TAF3: variants seen among roughly 807,000 people sequenced by gnomAD.
TAF3 encodes transcription initiation factor TFIID subunit 3.
Under a neutral mutation model 80.6 loss-of-function variants are expected in TAF3, and 7 were observed. That is an observed-to-expected ratio of 0.09 (90% CI 0.05 to 0.16). The LOEUF (loss-of-function observed/expected upper bound fraction) is 0.16, where lower values mean the gene tolerates loss of function less well. TAF3 is among the 10% of genes least tolerant of loss of function. The probability of loss-of-function intolerance (pLI) is 1.00; values close to 1 mark genes in which losing one functional copy is unlikely to be tolerated. For synonymous variants in TAF3, 444 were observed against 446.1 expected (o/e 1.00, Z 0.06); for missense variants, 921 against 1,140.2 (o/e 0.81, Z 2.77).
intron 4 of TAF3, among the ~76,000 whole-genome samples, 159 bp from the exon 5 acceptor site, chr10:8,008,919 A>G (rs566948524): frequency 1.5e-3 from 229 of 152,344 alleles, no homozygotes; most frequent in Non-Finnish European, 2.5e-3. Context: ...TGGAGAGGCC[A>G]CTTCATGCAG....
At chr10:7,934,132 G>A (rs1313047147) in intron 2 of TAF3, among the ~76,000 whole-genome samples, 1 of 152,136 alleles carries the variant, frequency 6.6e-6, no homozygotes, top group Non-Finnish European at 1.5e-5. Flanking sequence ...AAAATCATTC[G>A]GAAGAATTAG....
chr10:7,986,168 T>G (rs1831775554), intron 4 of TAF3, among the ~76,000 whole-genome samples: 1 of 152,164 alleles, frequency 6.6e-6, no homozygotes, highest in African/African-American at 2.4e-5. Context: ...TTGCCCTTGG[T>G]ACAGTAACTC....
intron 4 of TAF3, among the ~76,000 whole-genome samples, chr10:8,002,430 G>C (rs543669739): frequency 1.3e-5 from 2 of 152,056 alleles, no homozygotes; most frequent in Non-Finnish European, 1.5e-5. Context: ...CTACTTTCTG[G>C]ATCAGCTTTT....
chr10:7,830,605 T>C (rs909261814), intron 2 of TAF3, among the ~76,000 whole-genome samples: 1 of 143,014 alleles, frequency 7.0e-6, no homozygotes, highest in Non-Finnish European at 1.5e-5. Flanking sequence ...TGCCTCAGCC[T>C]CCCGAGTAGC....
At chr10:7,951,782 C>A (rs954236788) in intron 2 of TAF3, among the ~76,000 whole-genome samples, 2 of 152,132 alleles carry the variant, frequency 1.3e-5, no homozygotes, top group African/African-American at 2.4e-5. Context: ...AGAGGTAGTA[C>A]TTTCTGTTAA....
In TAF3 at chr10:7,964,240, C is replaced by T. The variant is rs768252337; in HGVS notation, c.730C>T (p.Pro244Ser). Residue 244 changes from proline to serine, a missense_variant, in exon 3 of 7, where the codon CCC becomes TCC. Coordinates refer to ENST00000344293, the MANE Select transcript of TAF3 (RefSeq NM_031923.4). The surrounding 1 kb of genome is among the most constrained non-coding windows in gnomAD (Gnocchi z 4.1). ...QDSTDLAPPSPEPPMLAPVAK... is the reference protein window; with the variant it reads ...QDSTDLAPPSSEPPMLAPVAK... ...CAGTACAGACTTGGCACCTCCCTCA[C>T]CCGAGCCGCCAATGTTGGCTCCAGT... 20 of 1,614,104 alleles carry T rather than the reference C, an allele frequency of 1.2e-5. No homozygotes were observed. Among genetic ancestry groups the T allele is most frequent in the Non-Finnish European group, 1.6e-5 (19 of 1,180,062 alleles).
chr10:7,987,470 G>A (rs1383845230), intron 4 of TAF3, among the ~76,000 whole-genome samples: 1 of 152,042 alleles, frequency 6.6e-6, no homozygotes, highest in African/African-American at 2.4e-5. Flanking sequence ...CCAGTCACCA[G>A]TTTTCAAACA....
rs902024184 is a variant in TAF3, at chr10:7,887,250, A to G, written c.409+62690A>G. Among the ~76,000 whole-genome samples the G allele has an allele frequency of 2.0e-5, 3 of 149,258 alleles. No homozygotes were observed. The Admixed American group carries it at 2.0e-4, about 10-fold the overall frequency. ...CTGTATTTAAAAAAAAAAAAAAAAG[A>G]AAGAAAGCTGGTTAAGGAAATGATG... On this transcript the variant is annotated intron_variant, in intron 2 of 6. Coordinates refer to ENST00000344293, the MANE Select transcript of TAF3 (RefSeq NM_031923.4).
At position 7,977,254 on chromosome 10, in the gene TAF3, C is replaced by A; in HGVS notation, c.2246C>A (p.Pro749Gln). 2 of 1,614,140 alleles carry A rather than the reference C, an allele frequency of 1.2e-6. No individual in the cohort carries two copies. Among genetic ancestry groups the A allele is most frequent in the Non-Finnish European group, 1.7e-6 (2 of 1,180,010 alleles). Residue 749 changes from proline (P) to glutamine (Q), a missense_variant, in exon 4 of 7, where the codon CCA (proline) becomes CAA (glutamine). By Grantham distance (76) the Pro-to-Gln change is moderately conservative. Transcript: ENST00000344293. The part of the protein sequence containing the change: ...KHKHEKIKVE[P>Q]VALAPSPVIP... ...TAACTTCCACAGATAAAAGTGGAAC[C>A]AGTCGCTCTGGCCCCGAGTCCAGTT... is the stretch of plus-strand genomic sequence containing the variant.
intron 5 of TAF3, among the ~76,000 whole-genome samples, chr10:8,011,862 A>C (rs1651172003): frequency 6.6e-6 from 1 of 152,194 alleles, no homozygotes; most frequent in Non-Finnish European, 1.5e-5. Flanking sequence ...AGATGAGTCC[A>C]ACTGGAATAG....
At chr10:7,863,421 G>T (rs1837167559) in intron 2 of TAF3, among the ~76,000 whole-genome samples, 2 of 151,222 alleles carry the variant, frequency 1.3e-5, no homozygotes, top group Admixed American at 6.6e-5. Flanking sequence ...GATCAGCCTG[G>T]CCAGGATGGT....
Position 7,856,218 on chromosome 10 carries a change from C to T in TAF3, c.409+31658C>T, listed in dbSNP as rs1588525923. ...AAAAGATTTTGGCTGGGCGCAGTGG[C>T]TCACGCCAGCACTTTGGGAGGCCGA... On this transcript the variant is annotated intron_variant, in intron 2 of 6. Transcript: ENST00000344293. Among the ~76,000 whole-genome samples, 8 of 152,230 alleles carry T rather than the reference C, an allele frequency of 5.3e-5. 1 individual carries two copies. In the South Asian group the frequency reaches 1.5e-3, roughly 28 times the overall value.
intron 4 of TAF3, among the ~76,000 whole-genome samples, chr10:7,998,648 G>C (rs907850403): frequency 1.3e-5 from 2 of 151,998 alleles, no homozygotes; most frequent in African/African-American, 4.8e-5. Context: ...AGACCAGCCT[G>C]GCCAACATGG....
chr10:7,843,641 T>C, intron 2 of TAF3, among the ~76,000 whole-genome samples: 1 of 120,088 alleles, frequency 8.3e-6, no homozygotes, highest in Non-Finnish European at 1.8e-5. Context: ...TATCTCTTTC[T>C]CACTCTTTTT....
chr10:7,940,444 C>T (rs1218053457), intron 2 of TAF3, among the ~76,000 whole-genome samples: 2 of 152,200 alleles, frequency 1.3e-5, no homozygotes, highest in African/African-American at 2.4e-5. Context: ...ATTTAAGACA[C>T]AGTCCATGCC....
chr10:7,936,075 C>T (rs1400765528), intron 2 of TAF3, among the ~76,000 whole-genome samples: 2 of 152,010 alleles, frequency 1.3e-5, no homozygotes, highest in Admixed American at 6.5e-5. Context: ...GTGATTGTAT[C>T]GTAAAACAGA....
chr10:7,872,222 T>TTC (rs1217226392), intron 2 of TAF3, among the ~76,000 whole-genome samples: 1 of 150,084 alleles, frequency 6.7e-6, no homozygotes, highest in East Asian at 1.9e-4. Flanking sequence ...GATTTTTTTT[T>TTC]TTTTTTTTTT....
Position 7,965,539 on chromosome 10 carries a change from A to G in TAF3, c.2029A>G (p.Met677Val). 2.5e-6 allele frequency: 4 copies of G among 1,602,178 alleles called. No homozygotes were observed. The highest frequency in any genetic ancestry group is 2.5e-6 in the Non-Finnish European group (3 of 1,177,342). ...TGCCACAGCCTCCAGGGTCCCAGCC[A>G]TGCTGCCATCTTTGTTGCCAGTGCT... Reference protein sequence around the residue: ...SPATASRVPAMLPSLLPVLPE... With the variant: ...SPATASRVPAVLPSLLPVLPE... Residue 677 changes from methionine to valine, a missense_variant, in exon 3 of 7, where the codon ATG becomes GTG. Met to Val is a conservative substitution (Grantham distance 21). Transcript: ENST00000344293.
At chr10:8,004,310 AG>A (rs1831972311) in intron 4 of TAF3, among the ~76,000 whole-genome samples, 1 of 152,256 alleles carries the variant, frequency 6.6e-6, no homozygotes, top group East Asian at 1.9e-4. Context: ...GGCCTCCCAA[AG>A]TGCTGGGATT....
Sources: allele counts gnomAD v4.1 joint callset (sites outside exome capture counted in the v4.1 genomes callset), GRCh38; gene constraint gnomAD v4.1.1; non-coding constraint Gnocchi (gnomAD v3.1); transcripts MANE v1.5; gene names NCBI Gene and HGNC (gene_info 2026-07-23, HGNC 2026-07-21).